ASIC2: variants seen among roughly 807,000 people sequenced by gnomAD.
ASIC2 encodes acid-sensing ion channel 2.
A neutral mutation model predicts 57.3 loss-of-function variants in ASIC2; 25 were observed. The ratio of observed to expected loss-of-function variants is 0.44; its 90% confidence interval spans 0.32 to 0.61. ASIC2 has a LOEUF of 0.61. Among genes scored for constraint, ASIC2 ranks in the 20% least tolerant of loss-of-function variants. The pLI, the probability that ASIC2 is intolerant of heterozygous loss-of-function variation, is 0.06. For missense variants in ASIC2, 641 were observed against 738.1 expected, an observed-to-expected ratio of 0.87 and a Z score of 1.52; for synonymous variants, 319 against 307.5, an observed-to-expected ratio of 1.04 and a Z score of -0.39.
At chr17:33,957,675 G>T (rs11655609) in intron 1 of ASIC2, among the ~76,000 whole-genome samples, 5 of 152,134 alleles carry the variant, frequency 3.3e-5, no homozygotes, top group African/African-American at 1.2e-4. Flanking sequence ...GACACGTGGG[G>T]ATTATGGGAG....
intron 1 of ASIC2, among the ~76,000 whole-genome samples, chr17:33,425,899 C>T (rs1327165383): frequency 6.6e-6 from 1 of 152,042 alleles, no homozygotes; most frequent in Non-Finnish European, 1.5e-5. Flanking sequence ...CCTGGCCTGC[C>T]CCTAGGAGAC....
intron 1 of ASIC2, among the ~76,000 whole-genome samples, chr17:33,448,967 T>C (rs1348971304): frequency 2.0e-5 from 3 of 152,236 alleles, no homozygotes; most frequent in African/African-American, 7.2e-5. Context: ...AGTTATAGCA[T>C]GGTCTTGAAG....
At chr17:33,138,021 G>A (rs564206909) in intron 1 of ASIC2, among the ~76,000 whole-genome samples, 1 of 152,294 alleles carries the variant, frequency 6.6e-6, no homozygotes, top group East Asian at 1.9e-4. Context: ...GTCACTTGAT[G>A]TACCTTATGG....
At chr17:33,941,438 C>A (rs1481546752) in intron 1 of ASIC2, among the ~76,000 whole-genome samples, 1 of 152,188 alleles carries the variant, frequency 6.6e-6, no homozygotes, top group South Asian at 2.1e-4. Flanking sequence ...GAAAAGGAAC[C>A]CCACCTTATC....
At position 33,856,757 on chromosome 17, in the gene ASIC2, C is replaced by T. The variant is rs921212198; in HGVS notation, c.555+299221G>A. ...TTCATTCCTAGCAGAGGTCATAGCACTAACAAAGTCCTAGAGGCCTGAGAG... is the reference window on the plus strand; with the variant it reads ...TTCATTCCTAGCAGAGGTCATAGCATTAACAAAGTCCTAGAGGCCTGAGAG... On this transcript the variant is annotated intron_variant, in intron 1 of 9. Transcript: ENST00000359872. Among the ~76,000 whole-genome samples the T allele has an allele frequency of 2.6e-5, 4 of 152,218 alleles. No homozygotes were observed. In the South Asian group the frequency reaches 8.3e-4, roughly 32 times the overall value.
At chr17:33,115,035 G>A (rs993341689) in intron 1 of ASIC2, among the ~76,000 whole-genome samples, 5 of 152,220 alleles carry the variant, frequency 3.3e-5, no homozygotes, top group African/African-American at 9.6e-5. Context: ...GGAGCAGAGA[G>A]GTCTTTATAG....
At chr17:33,550,133 G>GCA (rs150135664) in intron 1 of ASIC2, among the ~76,000 whole-genome samples, 85,690 of 151,598 alleles carry the variant, frequency 0.57, 25,323 homozygotes, top group African/African-American at 0.75. Context: ...CCAGCTCAGT[G>GCA]GAGTTCTGCA....
intron 1 of ASIC2, among the ~76,000 whole-genome samples, chr17:34,016,821 C>T (rs370872523): frequency 1.9e-3 from 289 of 152,124 alleles, no homozygotes; most frequent in African/African-American, 6.7e-3. Context: ...TTTAAACAAT[C>T]GGAAGGATAG....
intron 1 of ASIC2, among the ~76,000 whole-genome samples, chr17:33,846,062 G>C (rs1913586741): frequency 6.6e-6 from 1 of 152,174 alleles, no homozygotes; most frequent in South Asian, 2.1e-4. Context: ...GATTATAAAG[G>C]CCAGAAATGT....
intron 1 of ASIC2, among the ~76,000 whole-genome samples, chr17:33,652,293 C>T (rs1422238033): frequency 6.6e-6 from 1 of 152,126 alleles, no homozygotes; most frequent in East Asian, 1.9e-4. Flanking sequence ...TGGACTCTGC[C>T]TGGAGACTCT....
chr17:33,752,799 C>T (rs771194047), intron 1 of ASIC2, among the ~76,000 whole-genome samples: 5 of 152,194 alleles, frequency 3.3e-5, no homozygotes, highest in Non-Finnish European at 7.3e-5. Context: ...CTGACATCAC[C>T]AGATGCTGGT....
At chr17:33,859,111 C>T (rs969313730) in intron 1 of ASIC2, among the ~76,000 whole-genome samples, 4 of 152,180 alleles carry the variant, frequency 2.6e-5, no homozygotes, top group South Asian at 2.1e-4. Context: ...TGTCCACACA[C>T]ATAAATCTCA....
chr17:33,633,263 T>C lies in ASIC2; in HGVS notation c.556-521196A>G, dbSNP rs568767934. On this transcript the variant is annotated intron_variant, in intron 1 of 9. Transcript: ENST00000359872. The stretch of plus-strand genomic sequence containing the variant: ...CCTGTGCGAGGGTCCAAAAAGGCTC[T>C]TGTGTGAGCCATTCCCCACCTGTGG... Among the ~76,000 whole-genome samples, 20 of 152,294 alleles carry C rather than the reference T, an allele frequency of 1.3e-4. No homozygotes were observed. In the East Asian group the frequency reaches 3.7e-3, roughly 28 times the overall value.
chr17:34,052,518 T>C (rs1321285104), intron 1 of ASIC2, among the ~76,000 whole-genome samples: 1 of 152,192 alleles, frequency 6.6e-6, no homozygotes, highest in Non-Finnish European at 1.5e-5. Flanking sequence ...GCTGCACTTA[T>C]TGCCTCCCCA....
chr17:33,261,976 G>A (rs1909300745), intron 1 of ASIC2, among the ~76,000 whole-genome samples: 1 of 152,232 alleles, frequency 6.6e-6, no homozygotes, highest in African/African-American at 2.4e-5. Flanking sequence ...AGATGCTTCT[G>A]TAGGGCTTGG....
At chr17:33,887,816 AG>A (rs1340030608) in intron 1 of ASIC2, among the ~76,000 whole-genome samples, 1 of 151,890 alleles carries the variant, frequency 6.6e-6, no homozygotes, top group Admixed American at 6.5e-5. Context: ...AGCCTTTAAA[AG>A]AACATTGTTT....
At chr17:33,426,307 A>T (rs1324680399) in intron 1 of ASIC2, among the ~76,000 whole-genome samples, 1 of 152,214 alleles carries the variant, frequency 6.6e-6, no homozygotes, top group Non-Finnish European at 1.5e-5. Context: ...ATGGGAACTC[A>T]TACGACCATT....
intron 1 of ASIC2, among the ~76,000 whole-genome samples, chr17:33,174,488 C>T (rs947601943): frequency 6.6e-6 from 1 of 151,794 alleles, no homozygotes; most frequent in African/African-American, 2.4e-5. Flanking sequence ...CCATCACTTA[C>T]TCTGTGAGAG....
chr17:33,614,597 T>C (rs9905963), intron 1 of ASIC2, among the ~76,000 whole-genome samples: 67,262 of 151,744 alleles, frequency 0.44, 15,171 homozygotes, highest in Middle Eastern at 0.53. Context: ...AAAACTTATC[T>C]GCTATATTTT....
Sources: gnomAD v4.1 joint callset for allele counts (sites outside exome capture counted in the v4.1 genomes callset) on GRCh38, gnomAD v4.1.1 for gene constraint, MANE v1.5 for transcripts, NCBI Gene and HGNC (gene_info 2026-07-23, HGNC 2026-07-21) for gene names.